ELFN1: variants seen among roughly 807,000 people sequenced by gnomAD.
ELFN1 encodes extracellular leucine rich repeat and fibronectin type III domain containing 1.
A neutral mutation model predicts 7.6 loss-of-function variants in ELFN1; 6 were observed. The ratio of observed to expected loss-of-function variants is 0.79; its 90% CI spans 0.43 to 1.56. The LOEUF is 1.56. Among genes scored for constraint, ELFN1 ranks in the 40% most tolerant of loss-of-function variants. The probability of loss-of-function intolerance (pLI) is 0.01; values close to 1 mark genes in which losing one functional copy is unlikely to be tolerated. For synonymous variants in ELFN1, 657 were observed against 588.1 expected (o/e 1.12, Z -1.70); for missense variants, 1,169 against 1,232.2 (o/e 0.95, Z 0.77).
At chr7:1,726,223 C>T (rs374902427) in intron 3 of ELFN1, among the ~76,000 whole-genome samples, 11 of 152,180 alleles carry the variant, frequency 7.2e-5, no homozygotes, top group South Asian at 2.1e-4. Flanking sequence ...AGCTCTGTCC[C>T]GGCCACTATG....
At chr7:1,674,839 C>T (rs1038011063) in intron 1 of ELFN1, among the ~76,000 whole-genome samples, 1 of 152,122 alleles carries the variant, frequency 6.6e-6, no homozygotes, top group Non-Finnish European at 1.5e-5. Flanking sequence ...GAGGCACAGC[C>T]GGGCGGGAAA....
chr7:1,670,858 G>T lies in ELFN1; in HGVS notation c.-549+504G>T, dbSNP rs890470840. 4.6e-5 allele frequency among the ~76,000 whole-genome samples: 7 copies of T among 152,206 alleles called. No homozygotes were observed. The highest frequency in any genetic ancestry group is 7.4e-5 in the Non-Finnish European group (5 of 67,990). ...GACGCTGCGAGCCTCCTCGCTCCGC[G>T]CGGGGACCGTCCAGTCACGCACGGG... On this transcript the variant is annotated intron_variant, in intron 1 of 3. Coordinates refer to ENST00000424383, the MANE Select transcript of ELFN1 (RefSeq NM_001128636.4). The surrounding 1 kb of genome is among the most constrained non-coding windows in gnomAD (Gnocchi z 6.4).
chr7:1,675,201 G>T (rs558000445), intron 1 of ELFN1, among the ~76,000 whole-genome samples: 2 of 152,346 alleles, frequency 1.3e-5, no homozygotes, highest in African/African-American at 4.8e-5. Context: ...CCCCACAGAA[G>T]CGCATCTCTC....
Position 1,747,313 on chromosome 7 carries a change from C to CACACAG in ELFN1, c.*235_*236insGACACA, listed in dbSNP as rs1554257029. 2.1e-5 allele frequency: 6 copies of CACACAG among 279,776 alleles called. No homozygotes were observed. Among genetic ancestry groups the CACACAG allele is most frequent in the Admixed American group, 5.5e-5 (1 of 18,346 alleles). 17.3% of individuals were successfully genotyped at this position (279,776 alleles called of 1,614,324 possible). ...CGGGTGGCACGTGTCCACACACACA[C>CACACAG]ACACACACACACACACACACACGAG... On this transcript the variant is annotated 3_prime_UTR_variant, in exon 4 of 4. Transcript: ENST00000424383.
upstream of ELFN1, among the ~76,000 whole-genome samples, chr7:1,667,579 T>A (rs148323897): frequency 2.8e-3 from 419 of 151,984 alleles, no homozygotes; most frequent in African/African-American, 9.7e-3. The surrounding 1 kb of genome is among the most constrained non-coding windows in gnomAD (Gnocchi z 8.2). Context: ...TGAGCCTGAG[T>A]GGATTTGAGG....
chr7:1,714,360 C>T (rs2128589707), intron 3 of ELFN1, among the ~76,000 whole-genome samples: 1 of 152,312 alleles, frequency 6.6e-6, no homozygotes, highest in Middle Eastern at 3.4e-3. Context: ...CAGGGCTGGG[C>T]AGCATCCCCA....
chr7:1,673,234 C>G lies in ELFN1; in HGVS notation c.-549+2880C>G, dbSNP rs115777641. On this transcript the variant is annotated intron_variant, in intron 1 of 3. Transcript: ENST00000424383. The surrounding 1 kb of genome is among the most constrained non-coding windows in gnomAD (Gnocchi z 4.7). The stretch of plus-strand genomic sequence containing the variant: ...GACGATGGCGCCATCCATTCCAGCA[C>G]CAGCTGTACAGATGGGGAGACTGAG... Among the ~76,000 whole-genome samples the G allele has an allele frequency of 6.1e-3, 924 of 152,238 alleles. 9 individuals are homozygous for G. The highest frequency in any genetic ancestry group is 0.021 in the African/African-American group (874 of 41,536).
intron 3 of ELFN1, among the ~76,000 whole-genome samples, chr7:1,742,711 G>T (rs536684030): frequency 6.6e-6 from 1 of 152,218 alleles, no homozygotes; most frequent in Admixed American, 6.5e-5. Flanking sequence ...TTAGCTCCCC[G>T]AGGCCCGCTA....
chr7:1,683,632 G>A (rs1260996921), intron 1 of ELFN1, among the ~76,000 whole-genome samples: 1 of 152,174 alleles, frequency 6.6e-6, no homozygotes, highest in Admixed American at 6.5e-5. Flanking sequence ...TATTGAGAGG[G>A]AGTGGAGTAT....
At chr7:1,725,405 G>A (rs1388806164) in intron 3 of ELFN1, among the ~76,000 whole-genome samples, 4 of 151,286 alleles carry the variant, frequency 2.6e-5, no homozygotes, top group African/African-American at 9.7e-5. Context: ...AGGTGCGTGT[G>A]TCTGCCAGGT....
In ELFN1 at chr7:1,694,117, C is replaced by T; in HGVS notation, c.-456+5967C>T. Reference sequence around the variant, plus strand: ...AGAGAAACCGAGGCTTGAAGCAGCTCCAGCCAGGGTTCCCCAGCCAGCCCC... The same window carrying T: ...AGAGAAACCGAGGCTTGAAGCAGCTTCAGCCAGGGTTCCCCAGCCAGCCCC... On this transcript the variant is annotated intron_variant, in intron 2 of 3. Transcript: ENST00000424383. 1.2e-5 allele frequency: 3 copies of T among 250,212 alleles called. No homozygotes were observed. In the South Asian group the frequency reaches 1.6e-4, roughly 13 times the overall value. The allele number at this position is 250,212 out of a possible 1,614,324, so 15.5% of individuals were successfully genotyped here.
At chr7:1,742,390 C>G (rs1183380114) in intron 3 of ELFN1, 1 of 152,408 alleles carries the variant, frequency 6.6e-6, no homozygotes, top group Non-Finnish European at 1.5e-5. Flanking sequence ...GCGCCTCTGC[C>G]TGAGACCTGG....
intron 1 of ELFN1, among the ~76,000 whole-genome samples, chr7:1,680,620 A>G (rs1379988776): frequency 6.6e-6 from 1 of 152,128 alleles, no homozygotes; most frequent in Non-Finnish European, 1.5e-5. Context: ...ATGCATTCAT[A>G]GAGTTGCACA....
chr7:1,743,502 G>T (rs1354683833), intron 3 of ELFN1, among the ~76,000 whole-genome samples: 6 of 152,190 alleles, frequency 3.9e-5, no homozygotes, highest in African/African-American at 1.4e-4. Context: ...CCAAGTCCCA[G>T]TGCCGGGTAG....
In ELFN1 at chr7:1,744,318, CAGG is replaced by C. The variant is rs1780713677; in HGVS notation, c.-273_-271del. On this transcript the variant is annotated 5_prime_UTR_variant, in exon 4 of 4. Coordinates refer to ENST00000424383, the MANE Select transcript of ELFN1 (RefSeq NM_001128636.4). ...TTGTCTTGCAGCAGGAACGTCGGAGCAGGAGGAGTCAGTGGAGCCATCAGGACA... is the reference window on the plus strand; with the variant it reads ...TTGTCTTGCAGCAGGAACGTCGGAGCAGGAGTCAGTGGAGCCATCAGGACA... 2 of 439,232 alleles carry C rather than the reference CAGG, an allele frequency of 4.6e-6. No individual in the cohort carries two copies. Among genetic ancestry groups the C allele is most frequent in the African/African-American group, 2.1e-5 (1 of 47,924 alleles). The allele number at this position is 439,232 out of a possible 1,614,324, so 27.2% of individuals were successfully genotyped here.
chr7:1,712,767 C>T (rs1366353780), intron 3 of ELFN1, among the ~76,000 whole-genome samples: 1 of 152,212 alleles, frequency 6.6e-6, no homozygotes, highest in East Asian at 1.9e-4. Flanking sequence ...AAGCTCTGCC[C>T]TGCTGGGTTT....
intron 2 of ELFN1, among the ~76,000 whole-genome samples, chr7:1,706,464 C>T (rs1779533024): frequency 6.7e-6 from 1 of 149,498 alleles, no homozygotes; most frequent in African/African-American, 2.5e-5. Flanking sequence ...CAAAACAAAA[C>T]AAAACACCCA....
At chr7:1,667,222 C>G (rs574315913), upstream of ELFN1, among the ~76,000 whole-genome samples, 1 of 151,902 alleles carries the variant, frequency 6.6e-6, no homozygotes, top group African/African-American at 2.4e-5. This position sits in a 1 kb window ranked among gnomAD's most constrained non-coding sequence, Gnocchi z 8.2. Flanking sequence ...CATTCCCGAC[C>G]GAGTCCTCCG....
In ELFN1 at chr7:1,672,326, G is replaced by A. The variant is rs531052235; in HGVS notation, c.-549+1972G>A. Among the ~76,000 whole-genome samples, 208 of 152,192 alleles carry A rather than the reference G, an allele frequency of 1.4e-3. 1 individual carries two copies. The highest frequency in any genetic ancestry group is 3.4e-3 in the Middle Eastern group (1 of 294). On this transcript the variant is annotated intron_variant, in intron 1 of 3. Coordinates refer to ENST00000424383, the MANE Select transcript of ELFN1 (RefSeq NM_001128636.4). ...TTTTTCAAAGTGTCTTTGGAGGCAGGCTCCCCACACCTGGGCCAGGGAGAG... is the reference window on the plus strand; with the variant it reads ...TTTTTCAAAGTGTCTTTGGAGGCAGACTCCCCACACCTGGGCCAGGGAGAG...
Sources: allele counts gnomAD v4.1 joint callset (sites outside exome capture counted in the v4.1 genomes callset), GRCh38; gene constraint gnomAD v4.1.1; non-coding constraint Gnocchi (gnomAD v3.1); transcripts MANE v1.5; gene names NCBI Gene and HGNC (gene_info 2026-07-23, HGNC 2026-07-21).